IGDCC4: variants seen among roughly 807,000 people sequenced by gnomAD.
IGDCC4 encodes immunoglobulin superfamily DCC subclass member 4.
IGDCC4 carries 72 observed loss-of-function variants against 116.6 expected under a neutral mutation model. The ratio of observed to expected loss-of-function variants is 0.62; its 90% confidence interval spans 0.51 to 0.75. The LOEUF (loss-of-function observed/expected upper bound fraction) is 0.75, where lower values mean the gene tolerates loss of function less well. Ranked by LOEUF, IGDCC4 falls within the 30% of genes least tolerant of loss-of-function variation. The pLI is 0.00. For missense variants in IGDCC4, 1,501 were observed against 1,662.4 expected (o/e 0.90, Z 1.69); for synonymous variants, 709 against 719.9 (o/e 0.98, Z 0.24).
chr15:65,422,527 C>CACAA (rs1555438304), intron 1 of IGDCC4, among the ~76,000 whole-genome samples: 1 of 149,862 alleles, frequency 6.7e-6, no homozygotes, highest in African/African-American at 2.5e-5. Context: ...CCAACACACA[C>CACAA]ACACACACAC....
rs745994988 is a variant in IGDCC4, at chr15:65,395,221, G to A, written c.1449C>T (p.Asn483=). 3.7e-6 allele frequency: 6 copies of A among 1,613,550 alleles called. No homozygotes were observed. Among genetic ancestry groups the A allele is most frequent in the Middle Eastern group, 3.3e-4 (2 of 6,078 alleles). Residue 483 remains asparagine (N), a synonymous_variant, in exon 8 of 20, where the codon AAC becomes AAT. Coordinates refer to ENST00000352385, the MANE Select transcript of IGDCC4 (RefSeq NM_020962.3). ...CCCGAACCTGTAGTTCTGTGGTGTC[G>A]TTGTTCACTGCAAACTGGTATTCCA... ...DNVEYQFAVN[N]DTTELQVRDL...
At chr15:65,392,023 G>C (rs371555879) in intron 11 of IGDCC4, 42 bp from the exon 12 acceptor site, 5 of 1,566,038 alleles carry the variant, frequency 3.2e-6, no homozygotes, top group Non-Finnish European at 3.5e-6. Flanking sequence ...GGGACATCTG[G>C]GGTCACTCTC....
intron 6 of IGDCC4, 161 bp from the exon 7 acceptor site, chr15:65,396,324 G>C (rs778567803): frequency 2.5e-6 from 2 of 799,350 alleles, no homozygotes; most frequent in Non-Finnish European, 2.1e-6. Flanking sequence ...CCGGCTCAGC[G>C]CAGACCTACC....
At chr15:65,412,511 CAAAAAAAAAAAAAA>C (rs3082805) in intron 1 of IGDCC4, among the ~76,000 whole-genome samples, 176 of 16,718 alleles carry the variant, frequency 0.011, 4 homozygotes, top group African/African-American at 0.03. Context: ...GATTCCATCT[CAAAAAAAAAAAAAA>C]AAAAAAAAAA....
rs758845225 is a variant in IGDCC4 at position 65,411,242 on chromosome 15, G to T, written c.199C>A (p.Pro67Thr). The T allele has an allele frequency of 6.8e-6, 11 of 1,614,034 alleles. No homozygotes were observed. The African/African-American group carries it at 1.2e-4, about 18-fold the overall frequency. ...TCCTTGCTCCAGGTCACCCTGGTGG[G>T]GGGTCCAGCGGCAGCAGCCCCCAGG... ...CSLGAAAAGPPTRVTWSKDGD... is the reference protein window; with the variant it reads ...CSLGAAAAGPTTRVTWSKDGD... The change falls in exon 2 of 20, where the codon CCC becomes ACC. Residue 67 changes from proline to threonine, a missense_variant. Pro to Thr is a conservative substitution (Grantham distance 38, BLOSUM62 -1). Around this residue, in one of 3 missense-constraint regions of IGDCC4, gnomAD observed 898 missense variants for 978.9 expected, o/e 0.92. Coordinates refer to ENST00000352385, the MANE Select transcript of IGDCC4 (RefSeq NM_020962.3).
chr15:65,391,821 A>C, intron 12 of IGDCC4, 59 bp downstream of exon 12: 2 of 1,469,506 alleles, frequency 1.4e-6, no homozygotes, highest in Non-Finnish European at 9.4e-7. Flanking sequence ...AAAGAAGAGG[A>C]AGCGGCTAGC....
intron 4 of IGDCC4, 111 bp from the exon 5 acceptor site, chr15:65,401,057 G>T: frequency 7.2e-7 from 1 of 1,387,630 alleles, no homozygotes; most frequent in South Asian, 1.2e-5. Flanking sequence ...CAGCAGCAAT[G>T]ATTCCATCTG....
rs116445399 is a variant in IGDCC4, at chr15:65,383,332, G to A, written c.*677C>T. 0.016 allele frequency: 2,455 copies of A among 152,980 alleles called. 67 individuals carry two copies. Among genetic ancestry groups the A allele is most frequent in the African/African-American group, 0.057 (2,349 of 41,554 alleles). The allele number at this position is 152,980 out of a possible 1,614,324, so 9.5% of individuals were successfully genotyped here. On this transcript the variant is annotated 3_prime_UTR_variant, in exon 20 of 20. Transcript: ENST00000352385. ...CTGGTGCTGGGAGAGCGAGGTGACT[G>A]GGAGACAGAACACTAGAGCAGCCAG...
Position 65,410,191 on chromosome 15 carries a change from G to A in IGDCC4, c.550C>T (p.Pro184Ser), listed in dbSNP as rs764433585. The A allele has an allele frequency of 3.7e-6, 6 of 1,613,116 alleles. No homozygotes were observed. The highest frequency in any genetic ancestry group is 1.8e-4 in the Middle Eastern group (1 of 5,510). The change falls in exon 3 of 20, where the codon CCT becomes TCT. Residue 184 changes from proline to serine, a missense_variant. Around this residue, in one of 3 missense-constraint regions of IGDCC4, gnomAD observed 898 missense variants for 978.9 expected, o/e 0.92. Coordinates refer to ENST00000352385, the MANE Select transcript of IGDCC4 (RefSeq NM_020962.3). ...ITWEKDQVTL[P>S]EEPRLIVLPN... ...CAGGGCACTCACCGAGGCTCCTCAG[G>A]CAATGTCACCTGGTCCTTCTCCCAA...
In IGDCC4 at chr15:65,410,684, G is replaced by A. The variant is rs2063082765; in HGVS notation, c.421+336C>T. On this transcript the variant is annotated intron_variant, in intron 2 of 19. Transcript: ENST00000352385. ...TCCACATGTTCCACCTGCCGTGCAGGCAGGAGCTCCCTTAGGAGGCAGCTT... is the reference window on the plus strand; with the variant it reads ...TCCACATGTTCCACCTGCCGTGCAGACAGGAGCTCCCTTAGGAGGCAGCTT... 6.0e-5 allele frequency: 28 copies of A among 464,242 alleles called. No homozygotes were observed. The East Asian group carries it at 1.1e-3, about 18-fold the overall frequency. 28.8% of individuals were successfully genotyped at this position (464,242 alleles called of 1,614,324 possible).
intron 10 of IGDCC4, among the ~76,000 whole-genome samples, chr15:65,392,680 G>A (rs946699297): frequency 5.3e-5 from 8 of 152,126 alleles, no homozygotes; most frequent in African/African-American, 1.9e-4. Context: ...ATAGCACCTG[G>A]CACAGAATCG....
rs1567087271 is a variant in IGDCC4 at position 65,400,867 on chromosome 15, ACT to A, written c.778_779del (p.Ser260CysfsTer10). 1 of 1,612,606 alleles carries A rather than the reference ACT, an allele frequency of 6.2e-7. No individual in the cohort carries two copies. ...CTGAGGCCACACATTCCATCACCACACTCTGGCCAGACACCACTGTGGTGTTC... is the reference window on the plus strand; with the variant it reads ...CTGAGGCCACACATTCCATCACCACACTGGCCAGACACCACTGTGGTGTTC... The part of the protein sequence containing the change: ...PENTTVVSGQ[S>X]VVMECVASAD... On this transcript the variant is annotated frameshift_variant, in exon 5 of 20. Coordinates refer to ENST00000352385, the MANE Select transcript of IGDCC4 (RefSeq NM_020962.3). LOFTEE classifies it high-confidence loss of function.
chr15:65,384,913 CCCTTTCCT>C lies in IGDCC4; in HGVS notation c.3342+33_3342+40del, dbSNP rs574676860. On this transcript the variant is annotated intron_variant, in intron 19 of 19. Coordinates refer to ENST00000352385, the MANE Select transcript of IGDCC4 (RefSeq NM_020962.3). The surrounding 1 kb of genome is among the most constrained non-coding windows in gnomAD (Gnocchi z 4.9). ...TACTTCCTCTTCACAAGCACAGAGA[CCCTTTCCT>C]CCTTTCCTGCCCCTTCCTTCCAGGA... 1.6e-3 allele frequency: 2,568 copies of C among 1,576,858 alleles called. 9 individuals carry two copies. The Middle Eastern group carries it at 0.021, about 13-fold the overall frequency.
chr15:65,405,205 T>C (rs2063030082), intron 3 of IGDCC4, among the ~76,000 whole-genome samples: 1 of 151,176 alleles, frequency 6.6e-6, no homozygotes, highest in Admixed American at 6.6e-5. Context: ...TATATTAGGA[T>C]ATACATAGAA....
chr15:65,415,032 C>T (rs563030969), intron 1 of IGDCC4, among the ~76,000 whole-genome samples: 1 of 152,194 alleles, frequency 6.6e-6, no homozygotes, highest in Non-Finnish European at 1.5e-5. Flanking sequence ...CTATAAAGGG[C>T]TGTACAAGTG....
intron 3 of IGDCC4, among the ~76,000 whole-genome samples, chr15:65,404,140 G>T (rs138823208): frequency 1.4e-3 from 218 of 152,214 alleles, no homozygotes; most frequent in African/African-American, 4.3e-3. Context: ...TAGTTCAAAG[G>T]CTGGGGAGGA....
In IGDCC4 at chr15:65,388,547, T is replaced by C; in HGVS notation, c.2747A>G (p.Asp916Gly). 6.2e-7 allele frequency: 1 copy of C among 1,614,110 alleles called. No individual in the cohort carries two copies. Among genetic ancestry groups the C allele is most frequent in the Non-Finnish European group, 8.5e-7 (1 of 1,180,022 alleles). Reference protein sequence around the residue: ...FSAEVHGLESDTRYFFKMGAR... With the variant: ...FSAEVHGLESGTRYFFKMGAR... ...CCCCATCTTGAAGAAGTACCGAGTG[T>C]CGCTCTCCAGGCCATGGACCTCAGC... The change falls in exon 16 of 20, where the codon GAC becomes GGC. Residue 916 changes from aspartate to glycine, a missense_variant. Coordinates refer to ENST00000352385, the MANE Select transcript of IGDCC4 (RefSeq NM_020962.3).
intron 9 of IGDCC4, 116 bp downstream of exon 9, chr15:65,394,295 C>G: frequency 6.6e-7 from 1 of 1,512,750 alleles, no homozygotes; most frequent in Non-Finnish European, 9.0e-7. Flanking sequence ...TTCCCCAACC[C>G]CTACTCTGCT....
At chr15:65,387,687 C>G (rs1263896273) in intron 16 of IGDCC4, among the ~76,000 whole-genome samples, 2 of 151,986 alleles carry the variant, frequency 1.3e-5, no homozygotes, top group Non-Finnish European at 2.9e-5. Context: ...AGGGATAGCA[C>G]CTTTTCATTC....
Sources: allele counts gnomAD v4.1 joint callset (sites outside exome capture counted in the v4.1 genomes callset), GRCh38; gene constraint gnomAD v4.1.1; regional missense constraint gnomAD v4.1.1; non-coding constraint Gnocchi (gnomAD v3.1); transcripts MANE v1.5; gene names NCBI Gene and HGNC (gene_info 2026-07-23, HGNC 2026-07-21).